The following BFSP1 variants were observed in gnomAD, a reference collection of about 807,000 sequenced individuals.
BFSP1 encodes the protein beaded filament structural protein 1, also known as filensin.
BFSP1 carries 38 observed loss-of-function variants against 43.9 expected under a neutral mutation model. The ratio of observed to expected loss-of-function variants is 0.87; its 90% CI spans 0.67 to 1.14. The LOEUF (loss-of-function observed/expected upper bound fraction) is 1.14, where lower values mean the gene tolerates loss of function less well. BFSP1 is among the 50% of genes most tolerant of loss of function. The pLI, the probability that BFSP1 is intolerant of heterozygous loss-of-function variation, is 0.00. For missense variants in BFSP1, 850 were observed against 875.1 expected (o/e 0.97, Z 0.36); for synonymous variants, 352 against 354.8 (o/e 0.99, Z 0.09).
rs1025470682 is a variant in BFSP1 at position 17,525,420 on chromosome 20, T to A, written c.378-512A>T. On this transcript the variant is annotated intron_variant, in intron 1 of 7. Coordinates refer to ENST00000377873, the MANE Select transcript of BFSP1 (RefSeq NM_001195.5). The surrounding 1 kb of genome is among the most constrained non-coding windows in gnomAD (Gnocchi z 4.2). ...GAAAGCAGTTATTGTTAGTGCTGCATTAAAGATGAGGAAACTCAGGCAGAT... is the reference window on the plus strand; with the variant it reads ...GAAAGCAGTTATTGTTAGTGCTGCAATAAAGATGAGGAAACTCAGGCAGAT... Among the ~76,000 whole-genome samples the A allele has an allele frequency of 6.6e-6, 1 of 152,208 alleles. No individual in the cohort carries two copies. The highest frequency in any genetic ancestry group is 2.4e-5 in the African/African-American group (1 of 41,438).
At chr20:17,526,523 A>G (rs1030240206) in intron 1 of BFSP1, among the ~76,000 whole-genome samples, 5 of 152,222 alleles carry the variant, frequency 3.3e-5, no homozygotes, top group African/African-American at 1.2e-4. Context: ...TTAAGGGTGT[A>G]TAATATTCTA....
chr20:17,568,214 A>G (rs1383278304), intron 1 of BFSP1, among the ~76,000 whole-genome samples: 1 of 152,122 alleles, frequency 6.6e-6, no homozygotes, highest in East Asian at 1.9e-4. Context: ...GCTGAGGGTT[A>G]TGGAGGAAGC....
intron 4 of BFSP1, among the ~76,000 whole-genome samples, chr20:17,510,232 C>G (rs1342487111): frequency 6.6e-6 from 1 of 152,226 alleles, no homozygotes; most frequent in African/African-American, 2.4e-5. Context: ...GCACGTCTCA[C>G]AAGCCCAGAC....
chr20:17,497,911 G>A (rs1157412988), intron 6 of BFSP1, among the ~76,000 whole-genome samples: 2 of 152,202 alleles, frequency 1.3e-5, no homozygotes, highest in East Asian at 1.9e-4. Context: ...TGTTTACAAA[G>A]TCACCGAAAT....
intron 5 of BFSP1, among the ~76,000 whole-genome samples, chr20:17,502,750 C>T (rs559858055): frequency 6.6e-6 from 1 of 152,300 alleles, no homozygotes; most frequent in Non-Finnish European, 1.5e-5. Context: ...TTCTGTTTCT[C>T]CCAAGAAATC....
intron 1 of BFSP1, among the ~76,000 whole-genome samples, chr20:17,528,747 T>C (rs916510183): frequency 1.3e-5 from 2 of 152,154 alleles, no homozygotes; most frequent in African/African-American, 4.8e-5. Context: ...TTCTACAGAT[T>C]AAACCCCAAG....
intron 2 of BFSP1, chr20:17,517,227 G>A (rs1332140069): frequency 6.2e-6 from 6 of 974,816 alleles, no homozygotes; most frequent in Non-Finnish European, 9.8e-6. Context: ...TGGTGCTGGA[G>A]TGTTTATGGC....
At chr20:17,532,857 A>G (rs987434875), upstream of BFSP1, among the ~76,000 whole-genome samples, 3 of 152,204 alleles carry the variant, frequency 2.0e-5, no homozygotes, top group African/African-American at 7.2e-5. Context: ...ATTACTAACT[A>G]TATGGATTGT....
Position 17,508,987 on chromosome 20 carries a change from G to A in BFSP1, c.637C>T (p.Leu213=). Reference sequence around the variant, plus strand: ...AGGGCGGCCACCTCCCGCTCCGTCAGGAGCTTCTCCTGCACAGAGAAGGCC... The same window carrying A: ...AGGGCGGCCACCTCCCGCTCCGTCAAGAGCTTCTCCTGCACAGAGAAGGCC... ...VTSGMREEKL[L]TEREVAALRS... The change falls in exon 5 of 8, where the codon CTG becomes TTG. Residue 213 remains leucine, a synonymous_variant. Transcript: ENST00000377873. 6.3e-7 allele frequency: 1 copy of A among 1,584,794 alleles called. No homozygotes were observed. Among genetic ancestry groups the A allele is most frequent in the Middle Eastern group, 1.7e-4 (1 of 6,006 alleles).
At chr20:17,547,277 A>G (rs2034819244) in intron 1 of BFSP1, among the ~76,000 whole-genome samples, 2 of 152,092 alleles carry the variant, frequency 1.3e-5, no homozygotes, top group Admixed American at 1.3e-4. Flanking sequence ...TCCCCCAGAG[A>G]GATTTCATCC....
In BFSP1 at chr20:17,531,198, C is replaced by A; in HGVS notation, c.132G>T (p.Leu44=). ...GWAGATSLAA[L]QGLGERVAAH... ...CGGCCACGCGCTCGCCGAGCCCCTG[C>A]AGCGCCGCCAGGCTCGTTGCCCCAG... The change falls in exon 1 of 8, where the codon CTG becomes CTT. Residue 44 remains leucine, a synonymous_variant. Coordinates refer to ENST00000377873, the MANE Select transcript of BFSP1 (RefSeq NM_001195.5). 1 of 1,308,796 alleles carries A rather than the reference C, an allele frequency of 7.6e-7. No individual in the cohort carries two copies. Among genetic ancestry groups the A allele is most frequent in the South Asian group, 2.1e-5 (1 of 47,770 alleles). 81.1% of individuals were successfully genotyped at this position (1,308,796 alleles called of 1,614,324 possible).
At chr20:17,524,746 C>G in intron 2 of BFSP1, 102 bp downstream of exon 2, 2 of 1,317,154 alleles carry the variant, frequency 1.5e-6, no homozygotes, top group Admixed American at 1.7e-5. Flanking sequence ...AAGTAGTGAC[C>G]GCCAAAGTAA....
chr20:17,531,233 C>A lies in BFSP1; in HGVS notation c.97G>T (p.Glu33Ter). 3 of 1,396,132 alleles carry A rather than the reference C, an allele frequency of 2.1e-6. No homozygotes were observed. Among genetic ancestry groups the A allele is most frequent in the Non-Finnish European group, 2.8e-6 (3 of 1,074,898 alleles). 86.5% of individuals were successfully genotyped at this position (1,396,132 alleles called of 1,614,324 possible). The change falls in exon 1 of 8, where the codon GAG becomes TAG. Residue 33 changes from glutamate to a stop codon, truncating the protein, a stop_gained. Transcript: ENST00000377873. LOFTEE classifies it high-confidence loss of function. Reference protein sequence around the residue: ...RAAEPERPADEGWAGATSLAA... With the variant: ...RAAEPERPAD ...AGGCTCGTTGCCCCAGCCCAGCCCT[C>A]GTCGGCCGGGCGCTCGGGCTCGGCG...
chr20:17,560,545 GCA>G (rs2035057902), upstream of BFSP1: 1 of 152,156 alleles, frequency 6.6e-6, no homozygotes, highest in Admixed American at 6.5e-5. Flanking sequence ...GCCGCAGCTG[GCA>G]CACAGTAGGA....
In BFSP1 at chr20:17,521,085, G is replaced by C. The variant is rs142887071; in HGVS notation, c.438+3763C>G. ...CAAGATAAGCAAATCAGGCATCATA[G>C]CAGACCAGTAACTTCATACGTATAT... On this transcript the variant is annotated intron_variant, in intron 2 of 7. Coordinates refer to ENST00000377873, the MANE Select transcript of BFSP1 (RefSeq NM_001195.5). 8.7e-4 allele frequency among the ~76,000 whole-genome samples: 133 copies of C among 152,278 alleles called. 1 individual carries two copies. The East Asian group carries it at 0.024, about 27-fold the overall frequency.
chr20:17,530,360 C>T (rs1230425203), intron 1 of BFSP1, among the ~76,000 whole-genome samples: 3 of 152,214 alleles, frequency 2.0e-5, no homozygotes, highest in Non-Finnish European at 4.4e-5. Flanking sequence ...GAGCCTCAGT[C>T]GCCTCATCTG....
rs1455632604 is a variant in BFSP1 at position 17,500,290 on chromosome 20, A to G, written c.736-1250T>C. Among the ~76,000 whole-genome samples the G allele has an allele frequency of 4.6e-5, 7 of 152,240 alleles. No homozygotes were observed. The East Asian group carries it at 1.3e-3, about 29-fold the overall frequency. Reference sequence around the variant, plus strand: ...AAAGAGATAGTTTTATATTCAGTGTAAGAGGTTGTGATGATACACAAAGAC... The same window carrying G: ...AAAGAGATAGTTTTATATTCAGTGTGAGAGGTTGTGATGATACACAAAGAC... On this transcript the variant is annotated intron_variant, in intron 5 of 7. Coordinates refer to ENST00000377873, the MANE Select transcript of BFSP1 (RefSeq NM_001195.5).
At chr20:17,564,983 G>A (rs1374671337) in intron 1 of BFSP1, among the ~76,000 whole-genome samples, 2 of 149,744 alleles carry the variant, frequency 1.3e-5, no homozygotes, top group African/African-American at 4.9e-5. Flanking sequence ...CCAGGCTGGA[G>A]TGCAGTGGTG....
intron 6 of BFSP1, among the ~76,000 whole-genome samples, chr20:17,498,236 T>C (rs561292674): frequency 6.6e-6 from 1 of 152,306 alleles, no homozygotes; most frequent in South Asian, 2.1e-4. Flanking sequence ...TAGCTATGAA[T>C]ACCAGCATAG....
Sources: allele counts gnomAD v4.1 joint callset (sites outside exome capture counted in the v4.1 genomes callset), GRCh38; gene constraint gnomAD v4.1.1; non-coding constraint Gnocchi (gnomAD v3.1); transcripts MANE v1.5; gene names NCBI Gene and HGNC (gene_info 2026-07-23, HGNC 2026-07-21).